EEF1AKMT1: variants seen among roughly 807,000 people sequenced by gnomAD.
The protein encoded by EEF1AKMT1 is EEF1A lysine methyltransferase 1, also known as N-6 adenine-specific DNA methyltransferase 2 (putative).
In EEF1AKMT1, 18 loss-of-function variants were observed where a neutral mutation model predicts 21.0. That is an observed-to-expected ratio of 0.86 (90% CI 0.59 to 1.27). EEF1AKMT1 has a LOEUF of 1.27. EEF1AKMT1 is among the 50% of genes most tolerant of loss of function. The pLI, the probability that EEF1AKMT1 is intolerant of heterozygous loss-of-function variation, is 0.00. For synonymous variants in EEF1AKMT1, 109 were observed against 94.8 expected (o/e 1.15, Z -0.87); for missense variants, 246 against 258.6 (o/e 0.95, Z 0.33).
intron 1 of EEF1AKMT1, among the ~76,000 whole-genome samples, chr13:20,768,427 A>G (rs2059047370): frequency 6.6e-6 from 1 of 152,206 alleles, no homozygotes; most frequent in Admixed American, 6.5e-5. Flanking sequence ...GCTGGTAGAA[A>G]GACACTATTC....
At chr13:20,765,680 G>A (rs925603945) in intron 1 of EEF1AKMT1, among the ~76,000 whole-genome samples, 2 of 151,692 alleles carry the variant, frequency 1.3e-5, no homozygotes, top group Admixed American at 6.6e-5. Flanking sequence ...CAAAGTGCTG[G>A]GATTACAGGC....
chr13:20,763,126 G>A (rs1218115919), intron 1 of EEF1AKMT1, among the ~76,000 whole-genome samples: 2 of 152,062 alleles, frequency 1.3e-5, no homozygotes, highest in Non-Finnish European at 2.9e-5. Context: ...TATTGTCTTT[G>A]GTTTTGGTAA....
intron 1 of EEF1AKMT1, among the ~76,000 whole-genome samples, chr13:20,770,327 G>A (rs1379061617): frequency 6.6e-6 from 1 of 151,934 alleles, no homozygotes; most frequent in African/African-American, 2.4e-5. Context: ...GGGTTTAATG[G>A]GTGTACTGTT....
chr13:20,765,405 GTTTTTTTTTTT>G (rs1171165259), intron 1 of EEF1AKMT1, among the ~76,000 whole-genome samples: 4 of 58,702 alleles, frequency 6.8e-5, no homozygotes, highest in South Asian at 8.1e-4. Flanking sequence ...CTTCCCTTGG[GTTTTTTTTTTT>G]TTTTTTTTTT....
chr13:20,740,685 C>T (rs920764758), intron 2 of EEF1AKMT1, among the ~76,000 whole-genome samples: 1 of 152,278 alleles, frequency 6.6e-6, no homozygotes, highest in East Asian at 1.9e-4. Context: ...TGCCTGTAAT[C>T]CCAGCTACTC....
chr13:20,731,295 C>T (rs2058794253), intron 4 of EEF1AKMT1, among the ~76,000 whole-genome samples: 1 of 152,182 alleles, frequency 6.6e-6, no homozygotes, highest in South Asian at 2.1e-4. Flanking sequence ...TTGAATTTTA[C>T]CATATCTGCC....
chr13:20,760,653 C>G (rs1470801005), intron 1 of EEF1AKMT1, among the ~76,000 whole-genome samples: 1 of 151,652 alleles, frequency 6.6e-6, no homozygotes, highest in East Asian at 1.9e-4. Context: ...CCCAATATAC[C>G]CTGCACATGT....
chr13:20,742,525 G>C (rs1230497702), intron 2 of EEF1AKMT1, among the ~76,000 whole-genome samples: 7 of 152,182 alleles, frequency 4.6e-5, no homozygotes, highest in African/African-American at 1.7e-4. Context: ...TCTGAGTACA[G>C]ATAAAACAAG....
At chr13:20,770,290 G>C (rs1023307170) in intron 1 of EEF1AKMT1, among the ~76,000 whole-genome samples, 3 of 151,714 alleles carry the variant, frequency 2.0e-5, no homozygotes, top group Non-Finnish European at 4.4e-5. Context: ...AATTGTGGTT[G>C]CTAGGGGCTG....
intron 1 of EEF1AKMT1, among the ~76,000 whole-genome samples, chr13:20,764,309 T>C (rs2059016155): frequency 6.6e-6 from 1 of 152,228 alleles, no homozygotes; most frequent in Admixed American, 6.5e-5. Context: ...GGCCCATATA[T>C]TTAGAAGGAC....
chr13:20,730,383 G>A (rs1490554249), intron 4 of EEF1AKMT1, among the ~76,000 whole-genome samples: 1 of 152,232 alleles, frequency 6.6e-6, no homozygotes, highest in African/African-American at 2.4e-5. Flanking sequence ...CCAGCAGGGT[G>A]CCCAGGGGAC....
chr13:20,742,024 T>C (rs1156982507), intron 2 of EEF1AKMT1, among the ~76,000 whole-genome samples: 1 of 152,180 alleles, frequency 6.6e-6, no homozygotes, highest in African/African-American at 2.4e-5. Context: ...CATGCTACAA[T>C]GAGTATTCTA....
At chr13:20,743,815 T>G (rs1157817769) in intron 2 of EEF1AKMT1, among the ~76,000 whole-genome samples, 1 of 152,014 alleles carries the variant, frequency 6.6e-6, no homozygotes, top group East Asian at 1.9e-4. Flanking sequence ...GCATGAGGTA[T>G]TTGTCCTAAT....
At chr13:20,740,434 C>T (rs539070058) in intron 2 of EEF1AKMT1, among the ~76,000 whole-genome samples, 1 of 152,212 alleles carries the variant, frequency 6.6e-6, no homozygotes, top group Non-Finnish European at 1.5e-5. Context: ...GCGCTGAGGC[C>T]GAGGAGGTGC....
intron 2 of EEF1AKMT1, among the ~76,000 whole-genome samples, chr13:20,743,164 T>C (rs961809053): frequency 5.9e-5 from 9 of 152,068 alleles, no homozygotes; most frequent in Non-Finnish European, 1.3e-4. Context: ...CCTCCGAAAT[T>C]GAAGCGATTC....
chr13:20,733,084 C>G (rs2058806849), intron 3 of EEF1AKMT1, among the ~76,000 whole-genome samples: 1 of 145,064 alleles, frequency 6.9e-6, no homozygotes, highest in Admixed American at 7.4e-5. Flanking sequence ...ATTGAGTTGA[C>G]TGTGATACAC....
intron 1 of EEF1AKMT1, among the ~76,000 whole-genome samples, chr13:20,766,897 C>T (rs2059036622): frequency 6.6e-6 from 1 of 151,984 alleles, no homozygotes; most frequent in African/African-American, 2.4e-5. Flanking sequence ...CTTCTCCAAA[C>T]CTTTGTGTTA....
chr13:20,735,552 C>A (rs1243164287), intron 3 of EEF1AKMT1, among the ~76,000 whole-genome samples: 1 of 152,134 alleles, frequency 6.6e-6, no homozygotes, highest in African/African-American at 2.4e-5. Context: ...AGAATCTTCC[C>A]TGGACCACTG....
At chr13:20,758,530 G>A (rs1283361360) in intron 1 of EEF1AKMT1, among the ~76,000 whole-genome samples, 1 of 152,004 alleles carries the variant, frequency 6.6e-6, no homozygotes, top group Non-Finnish European at 1.5e-5. Context: ...TCAAGTATCA[G>A]TATTTTGGCT....
Sources: allele counts gnomAD v4.1 joint callset (sites outside exome capture counted in the v4.1 genomes callset), GRCh38; gene constraint gnomAD v4.1.1; transcripts MANE v1.5; gene names NCBI Gene and HGNC (gene_info 2026-07-23, HGNC 2026-07-21).